MSI2: variants seen among roughly 807,000 people sequenced by gnomAD.
MSI2 encodes the protein musashi RNA binding protein 2, also known as RNA-binding protein Musashi homolog 2.
In MSI2, 17 loss-of-function variants were observed where a neutral mutation model predicts 45.6. The ratio of observed to expected loss-of-function variants is 0.37; its 90% CI spans 0.26 to 0.56. MSI2 has a LOEUF of 0.56. MSI2 is among the 20% of genes least tolerant of loss of function. The probability of loss-of-function intolerance (pLI) is 0.77; values close to 1 mark genes in which losing one functional copy is unlikely to be tolerated. For synonymous variants in MSI2, 156 were observed against 158.2 expected (o/e 0.99, Z 0.11); for missense variants, 293 against 444.2 (o/e 0.66, Z 3.06).
At chr17:57,358,863 C>T (rs887924717) in intron 5 of MSI2, among the ~76,000 whole-genome samples, 1 of 152,010 alleles carries the variant, frequency 6.6e-6, no homozygotes, top group African/African-American at 2.4e-5. Context: ...GTTGCTAGGG[C>T]CCAGCCCTAG....
intron 7 of MSI2, among the ~76,000 whole-genome samples, chr17:57,544,923 A>C (rs777969802): frequency 2.6e-5 from 4 of 152,186 alleles, no homozygotes; most frequent in Non-Finnish European, 5.9e-5. Flanking sequence ...ACTATGCCTC[A>C]TACTACACTC....
chr17:57,578,533 A>C (rs917989884), intron 7 of MSI2, among the ~76,000 whole-genome samples: 1 of 152,062 alleles, frequency 6.6e-6, no homozygotes, highest in South Asian at 2.1e-4. Flanking sequence ...CTTGGGGCTA[A>C]TTGGGAACAG....
At chr17:57,503,148 G>T (rs2086154264) in intron 6 of MSI2, among the ~76,000 whole-genome samples, 1 of 152,064 alleles carries the variant, frequency 6.6e-6, no homozygotes, top group Non-Finnish European at 1.5e-5. Flanking sequence ...ACAGTTCAGG[G>T]GTGGCTTAGA....
At chr17:57,368,546 C>T (rs2083374669) in intron 5 of MSI2, among the ~76,000 whole-genome samples, 1 of 152,082 alleles carries the variant, frequency 6.6e-6, no homozygotes, top group African/African-American at 2.4e-5. Flanking sequence ...CGGAGTGAGA[C>T]TGTGACTCCA....
At chr17:57,581,264 C>A (rs2088199966) in intron 7 of MSI2, among the ~76,000 whole-genome samples, 1 of 152,094 alleles carries the variant, frequency 6.6e-6, no homozygotes, top group South Asian at 2.1e-4. Flanking sequence ...TCCCCAGCCT[C>A]CACTTCCCAA....
chr17:57,487,002 A>C (rs2085767191), intron 6 of MSI2, among the ~76,000 whole-genome samples: 3 of 152,128 alleles, frequency 2.0e-5, no homozygotes, highest in Admixed American at 6.5e-5. Context: ...AAAGAGAAAA[A>C]ACCCAGCCAA....
chr17:57,540,596 T>C (rs973553390), intron 7 of MSI2, among the ~76,000 whole-genome samples: 1 of 152,212 alleles, frequency 6.6e-6, no homozygotes, highest in Non-Finnish European at 1.5e-5. Flanking sequence ...GATCTCACCA[T>C]AGTCCTTATA....
intron 6 of MSI2, among the ~76,000 whole-genome samples, chr17:57,452,539 A>G (rs1423709398): frequency 1.3e-5 from 2 of 152,146 alleles, no homozygotes; most frequent in Non-Finnish European, 2.9e-5. Flanking sequence ...TTAACAATCC[A>G]TCTGCTTGCT....
chr17:57,582,662 C>G (rs1473136677), intron 7 of MSI2, among the ~76,000 whole-genome samples: 1 of 152,212 alleles, frequency 6.6e-6, no homozygotes, highest in Non-Finnish European at 1.5e-5. Flanking sequence ...ACTAATTTTT[C>G]AACCCCATCC....
Position 57,616,012 on chromosome 17 carries a change from C to G in MSI2, c.580C>G (p.Pro194Ala). Residue 194 changes from proline to alanine, a missense_variant, in exon 9 of 14, where the codon CCT (proline) becomes GCT (alanine). Physicochemically the swap from Pro to Ala is conservative, Grantham distance 27. Coordinates refer to ENST00000284073, the MANE Select transcript of MSI2 (RefSeq NM_138962.4). ...KAQPKEVMFP[P>A]GTRGRARGLP... The stretch of plus-strand genomic sequence containing the variant: ...TCAGCCGAAAGAAGTCATGTTCCCA[C>G]CTGGGACAAGAGGCCGGGCCCGGGG... 6.2e-7 allele frequency: 1 copy of G among 1,614,212 alleles called. No homozygotes were observed. The highest frequency in any genetic ancestry group is 1.3e-5 in the African/African-American group (1 of 75,066).
At chr17:57,631,941 C>A in intron 10 of MSI2, 1 of 1,502,704 alleles carries the variant, frequency 6.7e-7, no homozygotes, top group East Asian at 2.4e-5. Context: ...GAAAGTCTGT[C>A]TTAGCTGCCT....
In MSI2 at chr17:57,270,404, C is replaced by T. The variant is rs532578861; in HGVS notation, c.312+8212C>T. ...TCCCAAGGCTTTGTTCTCCTCTCTG[C>T]TAAGCCTTGCTGCATCCAACATGAG... is the stretch of plus-strand genomic sequence containing the variant. On this transcript the variant is annotated intron_variant, in intron 5 of 13. Transcript: ENST00000284073. Among the ~76,000 whole-genome samples, 60 of 152,322 alleles carry T rather than the reference C, an allele frequency of 3.9e-4. 1 individual carries two copies. The highest frequency in any genetic ancestry group is 1.4e-3 in the African/African-American group (57 of 41,578).
chr17:57,546,178 A>G (rs970940296), intron 7 of MSI2, among the ~76,000 whole-genome samples: 2 of 152,222 alleles, frequency 1.3e-5, no homozygotes, highest in African/African-American at 2.4e-5. Context: ...TTGAGCCGAG[A>G]CTGGAGACAA....
intron 6 of MSI2, among the ~76,000 whole-genome samples, chr17:57,423,100 C>A (rs2084427420): frequency 6.6e-6 from 1 of 152,030 alleles, no homozygotes; most frequent in Non-Finnish European, 1.5e-5. Flanking sequence ...GGGTTCGAGT[C>A]CCATAGGGAG....
intron 6 of MSI2, among the ~76,000 whole-genome samples, chr17:57,428,648 G>C (rs2084538443): frequency 1.3e-5 from 2 of 152,098 alleles, no homozygotes; most frequent in African/African-American, 4.8e-5. Flanking sequence ...TTAGAATGAG[G>C]GTAATCCTTC....
chr17:57,394,323 A>C (rs942625717), intron 5 of MSI2, among the ~76,000 whole-genome samples: 1 of 152,190 alleles, frequency 6.6e-6, no homozygotes, highest in Admixed American at 6.5e-5. Flanking sequence ...TTGGATGCTT[A>C]ACATTTCTGA....
chr17:57,349,108 T>C (rs1266833908), intron 5 of MSI2, among the ~76,000 whole-genome samples: 2 of 152,168 alleles, frequency 1.3e-5, no homozygotes, highest in Non-Finnish European at 2.9e-5. Flanking sequence ...TCCTCCATGG[T>C]TCCTGGCTGA....
intron 6 of MSI2, among the ~76,000 whole-genome samples, chr17:57,410,549 T>G (rs1219560095): frequency 6.6e-6 from 1 of 151,584 alleles, no homozygotes; most frequent in Non-Finnish European, 1.5e-5. Context: ...TAGCGAAAAG[T>G]GAGCTTCTTG....
At chr17:57,503,008 G>A (rs934421167) in intron 6 of MSI2, among the ~76,000 whole-genome samples, 1 of 152,024 alleles carries the variant, frequency 6.6e-6, no homozygotes. Flanking sequence ...TTGTAATTAG[G>A]TGTGGTGATT....
Sources: allele counts gnomAD v4.1 joint callset (sites outside exome capture counted in the v4.1 genomes callset), GRCh38; gene constraint gnomAD v4.1.1; transcripts MANE v1.5; gene names NCBI Gene and HGNC (gene_info 2026-07-23, HGNC 2026-07-21).